Variants in DDAH1 observed in about 807,000 individuals in gnomAD.
DDAH1 encodes dimethylarginine dimethylaminohydrolase 1.
Under a neutral mutation model 28.8 loss-of-function variants are expected in DDAH1, and 19 were observed. The ratio of observed to expected loss-of-function variants is 0.66; its 90% CI spans 0.46 to 0.97. The LOEUF (loss-of-function observed/expected upper bound fraction) is 0.97, where lower values mean the gene tolerates loss of function less well. Ranked by LOEUF, DDAH1 falls within the 50% of genes least tolerant of loss-of-function variation. The pLI is 0.00. For synonymous variants in DDAH1, 153 were observed against 154.4 expected, an observed-to-expected ratio of 0.99 and a Z score of 0.07; for missense variants, 326 against 375.9, an observed-to-expected ratio of 0.87 and a Z score of 1.10.
chr1:85,349,183 A>C (rs1649045158), intron 4 of DDAH1, among the ~76,000 whole-genome samples: 1 of 152,264 alleles, frequency 6.6e-6, no homozygotes, highest in African/African-American at 2.4e-5. Flanking sequence ...TCTCTAAAGT[A>C]AACGAACAAA....
At chr1:85,458,739 A>C (rs2100684396) in intron 1 of DDAH1, among the ~76,000 whole-genome samples, 1 of 152,298 alleles carries the variant, frequency 6.6e-6, no homozygotes, top group African/African-American at 2.4e-5. Flanking sequence ...GGTCAGGGGA[A>C]TATTTTGATG....
chr1:85,418,262 C>T (rs183433780), intron 1 of DDAH1, among the ~76,000 whole-genome samples: 1 of 152,274 alleles, frequency 6.6e-6, no homozygotes, highest in Non-Finnish European at 1.5e-5. Flanking sequence ...TTCCCTTTTT[C>T]GTCCCAACAA....
intron 4 of DDAH1, among the ~76,000 whole-genome samples, chr1:85,326,121 C>A (rs1401393423): frequency 2.0e-5 from 3 of 152,190 alleles, no homozygotes; most frequent in Non-Finnish European, 4.4e-5. Context: ...AAATTCATTC[C>A]TAAGAGTGGC....
At chr1:85,567,030 G>T (rs1457733468) in intron 1 of DDAH1, among the ~76,000 whole-genome samples, 2 of 152,174 alleles carry the variant, frequency 1.3e-5, no homozygotes, top group Non-Finnish European at 2.9e-5. Context: ...AGGTAATCAG[G>T]CAGGAAGAAT....
At chr1:85,412,738 C>T (rs1652714404) in intron 1 of DDAH1, among the ~76,000 whole-genome samples, 1 of 152,210 alleles carries the variant, frequency 6.6e-6, no homozygotes, top group Non-Finnish European at 1.5e-5. Context: ...TGGTGGCCTG[C>T]ACCTGTAATC....
chr1:85,431,789 C>T (rs1653698963), intron 1 of DDAH1, among the ~76,000 whole-genome samples: 1 of 152,230 alleles, frequency 6.6e-6, no homozygotes, highest in Non-Finnish European at 1.5e-5. Context: ...TATTTATTTA[C>T]AGCTTCATAA....
intron 4 of DDAH1, among the ~76,000 whole-genome samples, chr1:85,347,380 T>C (rs905811373): frequency 2.0e-5 from 3 of 152,156 alleles, no homozygotes; most frequent in Admixed American, 1.3e-4. Flanking sequence ...TGTCCATCAA[T>C]GATAGACTGG....
chr1:85,485,673 T>TTC (rs1225432759), intron 2 of DDAH1, among the ~76,000 whole-genome samples: 1 of 152,202 alleles, frequency 6.6e-6, no homozygotes, highest in East Asian at 1.9e-4. Context: ...GGCTTGTGAC[T>TTC]ATGCTCATTA....
chr1:85,566,030 G>A (rs1412145342), intron 1 of DDAH1, among the ~76,000 whole-genome samples: 52 of 149,538 alleles, frequency 3.5e-4, no homozygotes, highest in African/African-American at 1.0e-3. Context: ...GCAGTGAGTC[G>A]AGATCACACC....
At chr1:85,323,250 AG>A (rs994174176) in intron 5 of DDAH1, among the ~76,000 whole-genome samples, 2 of 152,228 alleles carry the variant, frequency 1.3e-5, no homozygotes, top group African/African-American at 4.8e-5. Context: ...CAAAAAAAAA[AG>A]ATCAATGATT....
chr1:85,432,378 T>G (rs551703600), intron 1 of DDAH1, among the ~76,000 whole-genome samples: 19 of 152,344 alleles, frequency 1.2e-4, no homozygotes, highest in Admixed American at 3.9e-4. Flanking sequence ...GCTATGATTC[T>G]GAGATGTCTA....
chr1:85,402,517 G>A (rs888470208), intron 1 of DDAH1, among the ~76,000 whole-genome samples: 1 of 152,166 alleles, frequency 6.6e-6, no homozygotes, highest in East Asian at 1.9e-4. Context: ...CTTCAGAAAT[G>A]TATAATTTCA....
rs546377889 is a variant in DDAH1, at chr1:85,351,272, G to C, written c.477+234C>G. ...GTTGTATAATTATACACTGGGAGAA[G>C]ACAGAAGATGCCCATGCTAACTTAG... On this transcript the variant is annotated intron_variant, in intron 3 of 5. Coordinates refer to ENST00000284031, the MANE Select transcript of DDAH1 (RefSeq NM_012137.4). 2.0e-5 allele frequency among the ~76,000 whole-genome samples: 3 copies of C among 152,230 alleles called. No homozygotes were observed. The East Asian group carries it at 5.8e-4, about 29-fold the overall frequency.
chr1:85,446,123 T>C (rs549915060), intron 1 of DDAH1, among the ~76,000 whole-genome samples: 33 of 152,288 alleles, frequency 2.2e-4, no homozygotes, highest in Non-Finnish European at 1.5e-5. Context: ...ATGGACTTGT[T>C]GTATTAGTCT....
At chr1:85,532,390 A>G (rs1444934713) in intron 1 of DDAH1, among the ~76,000 whole-genome samples, 11 of 152,028 alleles carry the variant, frequency 7.2e-5, no homozygotes, top group African/African-American at 2.7e-4. Context: ...CTCTAGTATT[A>G]CAAAGCTATG....
In DDAH1 at chr1:85,350,501, C is replaced by G. The variant is rs776285199; in HGVS notation, c.511G>C (p.Gly171Arg). 6.2e-7 allele frequency: 1 copy of G among 1,614,138 alleles called. No homozygotes were observed. Among genetic ancestry groups the G allele is most frequent in the Non-Finnish European group, 8.5e-7 (1 of 1,179,990 alleles). ...YAVSTVPVADGLHLKSFCSMA... is the reference protein window; with the variant it reads ...YAVSTVPVADRLHLKSFCSMA... ...CTGCAGAAACTCTTCAAATGCAACC[C>G]ATCTGCCACTGGCACTGTGGAGACT... Residue 171 changes from glycine (G) to arginine (R), a missense_variant, in exon 4 of 6, where the codon GGG (glycine) becomes CGG (arginine). By Grantham distance (125) the Gly-to-Arg change is moderately radical. Coordinates refer to ENST00000284031, the MANE Select transcript of DDAH1 (RefSeq NM_012137.4).
At chr1:85,459,990 A>T (rs898578609) in intron 1 of DDAH1, among the ~76,000 whole-genome samples, 10 of 152,258 alleles carry the variant, frequency 6.6e-5, no homozygotes, top group Non-Finnish European at 1.3e-4. Flanking sequence ...CATGCAAAAA[A>T]TGACCTTCAG....
intron 1 of DDAH1, among the ~76,000 whole-genome samples, chr1:85,364,763 C>T (rs113752360): frequency 0.09 from 13,718 of 152,052 alleles, 683 homozygotes; most frequent in Middle Eastern, 0.14. Flanking sequence ...AGGCTGGTCT[C>T]GAACTCCTGA....
chr1:85,463,124 A>G (rs755877045), intron 1 of DDAH1, among the ~76,000 whole-genome samples: 1 of 152,244 alleles, frequency 6.6e-6, no homozygotes, highest in African/African-American at 2.4e-5. Context: ...GTTTTTATCC[A>G]CTACACCATG....
Sources: allele counts gnomAD v4.1 joint callset (sites outside exome capture counted in the v4.1 genomes callset), GRCh38; gene constraint gnomAD v4.1.1; transcripts MANE v1.5; gene names NCBI Gene and HGNC (gene_info 2026-07-23, HGNC 2026-07-21).